RAPGEF6: variants seen among roughly 807,000 people sequenced by gnomAD.
RAPGEF6 encodes the protein PDZ domain containing guanine nucleotide exchange factor (GEF) 2.
Under a neutral mutation model 171.4 loss-of-function variants are expected in RAPGEF6, and 56 were observed. The observed-to-expected ratio is 0.33, with a 90% CI of 0.26 to 0.41. RAPGEF6 has a LOEUF of 0.41. Ranked by LOEUF, RAPGEF6 falls within the 10% of genes least tolerant of loss-of-function variation. The pLI, the probability that RAPGEF6 is intolerant of heterozygous loss-of-function variation, is 1.00. For missense variants in RAPGEF6, 1,674 were observed against 1,921.4 expected (o/e 0.87, Z 2.41); for synonymous variants, 692 against 650.1 (o/e 1.06, Z -0.98).
intron 15 of RAPGEF6, among the ~76,000 whole-genome samples, chr5:131,486,831 A>G (rs1425858168): frequency 1.3e-5 from 2 of 151,270 alleles, no homozygotes; most frequent in African/African-American, 2.4e-5. Context: ...TCAAGGGATA[A>G]ATTTTTAAAT....
At chr5:131,616,783 T>C (rs1765292341) in intron 1 of RAPGEF6, among the ~76,000 whole-genome samples, 1 of 152,004 alleles carries the variant, frequency 6.6e-6, no homozygotes, top group East Asian at 1.9e-4. Flanking sequence ...CCCAGCTTTT[T>C]TTTTTTCCTT....
chr5:131,466,851 A>G (rs1356193729), intron 17 of RAPGEF6, among the ~76,000 whole-genome samples: 1 of 152,216 alleles, frequency 6.6e-6, no homozygotes, highest in Non-Finnish European at 1.5e-5. Flanking sequence ...GGAAATTTCA[A>G]TTTGCCAAGA....
chr5:131,444,650 G>T (rs925991328), intron 22 of RAPGEF6, among the ~76,000 whole-genome samples: 2 of 152,058 alleles, frequency 1.3e-5, no homozygotes, highest in African/African-American at 2.4e-5. Context: ...AAGGCCTAAA[G>T]ATTTTCTCAT....
rs556884877 is a variant in RAPGEF6 at position 131,537,454 on chromosome 5, C to T, written c.495+10593G>A. ...CTTAAAATAATTTTCATACCTTTAA[C>T]CCAGTAATTTCTGTAACTCAATCCT... On this transcript the variant is annotated intron_variant, in intron 6 of 27. Transcript: ENST00000509018. Among the ~76,000 whole-genome samples the T allele has an allele frequency of 5.8e-4, 88 of 152,236 alleles. 1 individual carries two copies. The highest frequency in any genetic ancestry group is 8.8e-4 in the Non-Finnish European group (60 of 68,008).
chr5:131,626,763 A>T (rs1288638343), intron 1 of RAPGEF6, among the ~76,000 whole-genome samples: 1 of 152,204 alleles, frequency 6.6e-6, no homozygotes, highest in Non-Finnish European at 1.5e-5. Context: ...ATGAATGTAC[A>T]AATTAATGTT....
At chr5:131,608,756 TAA>T (rs995627061) in intron 1 of RAPGEF6, among the ~76,000 whole-genome samples, 5 of 151,908 alleles carry the variant, frequency 3.3e-5, no homozygotes, top group Non-Finnish European at 7.4e-5. Flanking sequence ...AGAGGGTTGT[TAA>T]AAAAAGTCTG....
intron 17 of RAPGEF6, among the ~76,000 whole-genome samples, chr5:131,466,596 T>G (rs779137341): frequency 9.2e-5 from 14 of 152,150 alleles, no homozygotes; most frequent in Non-Finnish European, 1.5e-4. Flanking sequence ...TCTCACGAGA[T>G]CTGATGGTTT....
At chr5:131,601,934 C>G (rs1428384537) in intron 3 of RAPGEF6, among the ~76,000 whole-genome samples, 2 of 151,334 alleles carry the variant, frequency 1.3e-5, no homozygotes, top group Non-Finnish European at 2.9e-5. Context: ...ACTCAGGAGG[C>G]TGAGGCAGGA....
intron 6 of RAPGEF6, among the ~76,000 whole-genome samples, chr5:131,528,317 A>T (rs1185916693): frequency 7.9e-4 from 35 of 44,312 alleles, no homozygotes; most frequent in South Asian, 1.5e-3. Flanking sequence ...TTTATATTAT[A>T]TATATATATA....
intron 1 of RAPGEF6, among the ~76,000 whole-genome samples, chr5:131,630,538 T>C (rs2150043576): frequency 6.6e-6 from 1 of 152,356 alleles, no homozygotes; most frequent in South Asian, 2.1e-4. Context: ...TCTGAAATTT[T>C]CCATAAGAAT....
rs978517059 is a variant in RAPGEF6, at chr5:131,451,424, A to G, written c.3200+1630T>C. Among the ~76,000 whole-genome samples, 20 of 133,090 alleles carry G rather than the reference A, an allele frequency of 1.5e-4. 1 individual carries two copies. The South Asian group carries it at 3.7e-3, about 24-fold the overall frequency. The allele number at this position is 133,090 out of a possible 152,430, so 87.3% of individuals were successfully genotyped here. On this transcript the variant is annotated intron_variant, in intron 21 of 27. Transcript: ENST00000509018. ...CATGGTGAAACCCTATCTCTACTGG[A>G]AAAAAAAAAAAAAAATTAGCTGGAC...
intron 1 of RAPGEF6, among the ~76,000 whole-genome samples, chr5:131,626,091 G>A (rs1011101177): frequency 1.3e-5 from 2 of 152,072 alleles, no homozygotes; most frequent in African/African-American, 4.8e-5. Flanking sequence ...CCAAATTTCT[G>A]AAATTATCCA....
At chr5:131,466,904 C>T (rs1004479061) in intron 17 of RAPGEF6, among the ~76,000 whole-genome samples, 4 of 152,052 alleles carry the variant, frequency 2.6e-5, no homozygotes, top group African/African-American at 9.7e-5. Context: ...TTTTTAAGTC[C>T]ATAAAAAAGG....
At chr5:131,557,123 T>C (rs1761285979) in intron 5 of RAPGEF6, among the ~76,000 whole-genome samples, 2 of 152,208 alleles carry the variant, frequency 1.3e-5, no homozygotes, top group African/African-American at 4.8e-5. Context: ...TTATGTGACA[T>C]ATGTTACAGA....
intron 1 of RAPGEF6, among the ~76,000 whole-genome samples, chr5:131,606,029 CAAAAAAAAA>C (rs1168486376): frequency 7.1e-5 from 5 of 70,592 alleles, no homozygotes; most frequent in Admixed American, 4.9e-4. Flanking sequence ...GACTCCATCT[CAAAAAAAAA>C]AAAAAAAAAA....
intron 15 of RAPGEF6, among the ~76,000 whole-genome samples, chr5:131,487,658 T>C (rs1042619529): frequency 7.2e-5 from 11 of 152,206 alleles, no homozygotes; most frequent in Non-Finnish European, 1.5e-4. Context: ...ATTGGTGCGT[T>C]TACAATCTCT....
intron 6 of RAPGEF6, among the ~76,000 whole-genome samples, chr5:131,542,486 T>C (rs1408413161): frequency 2.0e-5 from 3 of 152,206 alleles, no homozygotes; most frequent in African/African-American, 7.2e-5. Flanking sequence ...CAGGCACTCT[T>C]ATTTTCTTTG....
rs1471633722 is a variant in RAPGEF6, at chr5:131,461,713, T to C, written c.2856A>G (p.Ala952=). 5.6e-6 allele frequency: 9 copies of C among 1,595,994 alleles called. No homozygotes were observed. The highest frequency in any genetic ancestry group is 7.7e-6 in the Non-Finnish European group (9 of 1,166,848). ...TATTTGTACCAACTTACCTTATTAT[T>C]GCAAACATGGAATTGAAGTTCTTAC... ...RECKNFNSMF[A]IISGLNLASV... The change falls in exon 19 of 28, where the codon GCA becomes GCG. Residue 952 remains alanine (A), a synonymous_variant. Coordinates refer to ENST00000509018, the MANE Select transcript of RAPGEF6 (RefSeq NM_016340.6).
chr5:131,472,074 C>CTT lies in RAPGEF6; in HGVS notation c.2239+511_2239+512dup, dbSNP rs34112867. The CTT allele has an allele frequency of 2.6e-3, 365 of 141,388 alleles. 3 individuals are homozygous for CTT. The highest frequency in any genetic ancestry group is 7.3e-3 in the African/African-American group (270 of 37,154). 8.8% of individuals were successfully genotyped at this position (141,388 alleles called of 1,614,324 possible). On this transcript the variant is annotated intron_variant, in intron 17 of 27. Coordinates refer to ENST00000509018, the MANE Select transcript of RAPGEF6 (RefSeq NM_016340.6). ...TTAGAGGTAGTCTCTTTTTTCTTTT[C>CTT]TTTTTTTTTTTTTTTGAGACGGAGT...
Sources: allele counts gnomAD v4.1 joint callset (sites outside exome capture counted in the v4.1 genomes callset), GRCh38; gene constraint gnomAD v4.1.1; transcripts MANE v1.5; gene names NCBI Gene and HGNC (gene_info 2026-07-23, HGNC 2026-07-21).